Variants in DCAF8L2 observed in about 807,000 individuals in gnomAD.
DCAF8L2 encodes DDB1 and CUL4 associated factor 8 like 2.
For missense variants in DCAF8L2, 430 were observed against 490.7 expected (o/e 0.88, Z 1.17); for synonymous variants, 200 against 190.9 (o/e 1.05, Z -0.39).
At chrX:27,704,742 G>T (rs1353263029) in intron 3 of DCAF8L2, among the ~76,000 whole-genome samples, 1 of 111,339 alleles carries the variant, frequency 9.0e-6, no homozygotes, top group Non-Finnish European at 1.9e-5. Flanking sequence ...TTATGTATGT[G>T]TGTAGCAACA....
In DCAF8L2 at chrX:27,731,243, A is replaced by T. The variant is rs768878757; in HGVS notation, c.-59+15072A>T. ...ACATGGTGAAACCCTGTCTCTACTT[A>T]AAAAAAAAAATACAAAAATTAGCTG... is the stretch of plus-strand genomic sequence containing the variant. On this transcript the variant is annotated intron_variant, in intron 4 of 4. Coordinates refer to ENST00000451261, the MANE Select transcript of DCAF8L2 (RefSeq NM_001353450.2). 5.0e-3 allele frequency among the ~76,000 whole-genome samples: 528 copies of T among 104,561 alleles called. 2 individuals carry two copies. The highest frequency in any genetic ancestry group is 9.5e-3 in the Middle Eastern group (2 of 210). The allele number at this position is 104,561 out of a possible 115,157, so 90.8% of individuals were successfully genotyped here. A position where few individuals can be genotyped will look rare whatever the true frequency, so the allele number is the denominator to read the frequency against.
intron 2 of DCAF8L2, among the ~76,000 whole-genome samples, chrX:27,668,044 A>C (rs999756890): frequency 8.9e-6 from 1 of 111,910 alleles, no homozygotes; most frequent in Admixed American, 9.5e-5. Context: ...TTCAAGATAA[A>C]GATGTAGTTC....
chrX:27,647,114 G>A (rs1484546387), intron 2 of DCAF8L2, among the ~76,000 whole-genome samples: 1 of 111,958 alleles, frequency 8.9e-6, no homozygotes, highest in African/African-American at 3.2e-5. Context: ...GCAAATGTAT[G>A]TTCATTGCAG....
the DCAF8L2 span, among the ~76,000 whole-genome samples, chrX:27,528,973 T>C: frequency 4.5e-5 from 5 of 111,522 alleles, no homozygotes; most frequent in Admixed American, 4.8e-4. Context: ...CGTGAGTTGT[T>C]GTGGTCAATG....
chrX:27,721,030 T>C (rs73534395), intron 4 of DCAF8L2, among the ~76,000 whole-genome samples: 5,838 of 111,839 alleles, frequency 0.052, 371 homozygotes, highest in African/African-American at 0.18. Flanking sequence ...GTCTTATAAA[T>C]TGTAAGCTTG....
At chrX:27,650,832 T>C (rs1409221018) in intron 2 of DCAF8L2, among the ~76,000 whole-genome samples, 1 of 74,993 alleles carries the variant, frequency 1.3e-5, no homozygotes, top group Non-Finnish European at 2.4e-5. Context: ...CAGTATTATG[T>C]TGAATATGAG....
chrX:27,736,490 C>A (rs1185591633), intron 4 of DCAF8L2, among the ~76,000 whole-genome samples: 1 of 111,987 alleles, frequency 8.9e-6, no homozygotes, highest in African/African-American at 3.2e-5. Flanking sequence ...TTCTCTTGAG[C>A]AAAGCAAACT....
the DCAF8L2 span, among the ~76,000 whole-genome samples, chrX:27,549,975 A>G: frequency 8.9e-6 from 1 of 111,771 alleles, no homozygotes; most frequent in African/African-American, 3.2e-5. Flanking sequence ...TCCCCACTAC[A>G]TTGGCTGATG....
intron 3 of DCAF8L2, among the ~76,000 whole-genome samples, chrX:27,687,289 A>T (rs1264489657): frequency 1.8e-5 from 2 of 112,324 alleles, no homozygotes; most frequent in Non-Finnish European, 3.8e-5. Context: ...GTTCTGGATC[A>T]CATTGTTATT....
the DCAF8L2 span, among the ~76,000 whole-genome samples, chrX:27,527,247 G>A: frequency 2.6e-3 from 295 of 111,871 alleles, 5 homozygotes; most frequent in East Asian, 0.076. Context: ...CCCCAGCCTC[G>A]CTGCCACCTT....
At chrX:27,499,843 G>T in the DCAF8L2 span, among the ~76,000 whole-genome samples, 1 of 102,503 alleles carries the variant, frequency 9.8e-6, no homozygotes, top group Admixed American at 1.0e-4. Flanking sequence ...TGGTGGGGGG[G>T]GGTACAGGGC....
intron 3 of DCAF8L2, among the ~76,000 whole-genome samples, chrX:27,693,931 T>G (rs757263340): frequency 4.2e-4 from 47 of 111,884 alleles, no homozygotes; most frequent in South Asian, 2.6e-3. Context: ...ACAGCACTAT[T>G]CACAATAGCA....
the DCAF8L2 span, among the ~76,000 whole-genome samples, chrX:27,579,615 T>TAC: frequency 0.056 from 4,955 of 87,854 alleles, 260 homozygotes; most frequent in African/African-American, 0.16. Flanking sequence ...TTCAGAGAAA[T>TAC]ACACACACAC....
the DCAF8L2 span, among the ~76,000 whole-genome samples, chrX:27,559,462 G>T: frequency 8.9e-6 from 1 of 112,060 alleles, no homozygotes; most frequent in Admixed American, 9.4e-5. Flanking sequence ...CCACCAACAA[G>T]TTGCTTGTGG....
At chrX:27,722,040 A>G (rs1931916528) in intron 4 of DCAF8L2, among the ~76,000 whole-genome samples, 1 of 111,776 alleles carries the variant, frequency 8.9e-6, no homozygotes, top group African/African-American at 3.2e-5. Flanking sequence ...TCAAGTATGA[A>G]TGACATTTTA....
the DCAF8L2 span, among the ~76,000 whole-genome samples, chrX:27,541,067 C>T: frequency 9.0e-6 from 1 of 111,397 alleles, no homozygotes; most frequent in African/African-American, 3.3e-5. Context: ...CCCTCTGAAG[C>T]TTCATTGAAA....
chrX:27,611,014 C>G (rs1357936881), intron 1 of DCAF8L2, among the ~76,000 whole-genome samples: 1 of 112,068 alleles, frequency 8.9e-6, no homozygotes, highest in African/African-American at 3.2e-5. Context: ...CAAATGAATT[C>G]ATTAACACTT....
At chrX:27,605,904 A>C (rs1044880480) in intron 1 of DCAF8L2, among the ~76,000 whole-genome samples, 7 of 110,821 alleles carry the variant, frequency 6.3e-5, no homozygotes, top group Non-Finnish European at 1.1e-4. Context: ...GGACAGTCCC[A>C]GGGGTCTGAG....
the DCAF8L2 span, among the ~76,000 whole-genome samples, chrX:27,558,075 C>T: frequency 9.0e-6 from 1 of 111,426 alleles, no homozygotes. Context: ...ACTGGCATGA[C>T]GCAGATCCTC....
Sources: allele counts gnomAD v4.1 joint callset (sites outside exome capture counted in the v4.1 genomes callset), GRCh38; gene constraint gnomAD v4.1.1; transcripts MANE v1.5; gene names NCBI Gene and HGNC (gene_info 2026-07-23, HGNC 2026-07-21).